SH3RF3: variants seen among roughly 807,000 people sequenced by gnomAD.
The protein encoded by SH3RF3 is SH3 domain containing ring finger 3.
Under a neutral mutation model 66.3 loss-of-function variants are expected in SH3RF3, and 29 were observed. The ratio of observed to expected loss-of-function variants is 0.44; its 90% CI spans 0.33 to 0.60. The LOEUF (loss-of-function observed/expected upper bound fraction) is 0.60, where lower values mean the gene tolerates loss of function less well. SH3RF3 is among the 20% of genes least tolerant of loss of function. The pLI is 0.04. For missense variants in SH3RF3, 1,194 were observed against 1,190.9 expected (o/e 1.00, Z -0.04); for synonymous variants, 583 against 532.0 (o/e 1.10, Z -1.32).
At chr2:109,177,306 G>A (rs1337073725) in intron 1 of SH3RF3, among the ~76,000 whole-genome samples, 1 of 152,182 alleles carries the variant, frequency 6.6e-6, no homozygotes, top group African/African-American at 2.4e-5. Flanking sequence ...AATGCATGGT[G>A]ATTTTCTTTT....
At chr2:109,133,739 T>G in intron 1 of SH3RF3, among the ~76,000 whole-genome samples, 1 of 151,994 alleles carries the variant, frequency 6.6e-6, no homozygotes, top group East Asian at 1.9e-4. Context: ...TTTTTTTTTT[T>G]TTGCACTCAA....
chr2:109,249,489 CTT>C (rs1443551613), intron 1 of SH3RF3, among the ~76,000 whole-genome samples: 1 of 22,508 alleles, frequency 4.4e-5, no homozygotes, highest in Admixed American at 6.3e-4. Flanking sequence ...TTCTTTCTTT[CTT>C]TCTTTCTTTC....
intron 4 of SH3RF3, 38 bp from the exon 5 acceptor site, chr2:109,419,501 C>G: frequency 2.6e-6 from 4 of 1,546,446 alleles, no homozygotes; most frequent in Non-Finnish European, 3.5e-6. Context: ...GATGGAGTCT[C>G]TGTCTCCTCA....
At chr2:109,500,052 C>G (rs1368049000) in intron 9 of SH3RF3, among the ~76,000 whole-genome samples, 2 of 152,142 alleles carry the variant, frequency 1.3e-5, no homozygotes, top group Non-Finnish European at 2.9e-5. Flanking sequence ...CTGACGTGCT[C>G]ACTGAAGTCA....
chr2:109,300,405 CCT>C (rs1318157579), intron 1 of SH3RF3, among the ~76,000 whole-genome samples: 1 of 152,096 alleles, frequency 6.6e-6, no homozygotes, highest in Admixed American at 6.5e-5. Context: ...GTCTCCAACT[CCT>C]CACCTCAAGT....
intron 1 of SH3RF3, among the ~76,000 whole-genome samples, chr2:109,142,060 G>A (rs915317908): frequency 2.0e-5 from 3 of 151,642 alleles, no homozygotes; most frequent in Non-Finnish European, 4.4e-5. Context: ...GGGGTCTCAG[G>A]TATGTGCCTA....
chr2:109,180,833 T>A (rs1205516376), intron 1 of SH3RF3, among the ~76,000 whole-genome samples: 3 of 152,148 alleles, frequency 2.0e-5, no homozygotes, highest in Admixed American at 6.5e-5. Flanking sequence ...ATATACTCAG[T>A]CAGCTAAGAG....
intron 8 of SH3RF3, among the ~76,000 whole-genome samples, chr2:109,489,477 T>C (rs1201467409): frequency 6.6e-6 from 1 of 152,198 alleles, no homozygotes; most frequent in Non-Finnish European, 1.5e-5. Flanking sequence ...TCACCTGTCC[T>C]ACAAAGTCCA....
intron 7 of SH3RF3, among the ~76,000 whole-genome samples, chr2:109,439,331 A>T (rs921766415): frequency 2.6e-5 from 4 of 152,162 alleles, no homozygotes; most frequent in African/African-American, 9.7e-5. Flanking sequence ...TATTGCTGTC[A>T]CAGCCAGGTT....
intron 1 of SH3RF3, among the ~76,000 whole-genome samples, chr2:109,336,527 C>T (rs988973561): frequency 3.7e-4 from 57 of 152,222 alleles, no homozygotes; most frequent in African/African-American, 1.2e-3. Context: ...CCGTGTACCC[C>T]GCAGGCTGCT....
intron 1 of SH3RF3, among the ~76,000 whole-genome samples, chr2:109,172,392 T>C (rs1346123142): frequency 6.6e-6 from 1 of 152,260 alleles, no homozygotes; most frequent in Non-Finnish European, 1.5e-5. Context: ...CTCTCCCTGC[T>C]CCTGGAGGTC....
chr2:109,287,359 C>T (rs1174504509), intron 1 of SH3RF3, among the ~76,000 whole-genome samples: 3 of 152,172 alleles, frequency 2.0e-5, no homozygotes, highest in Non-Finnish European at 4.4e-5. Context: ...TACATCTTGA[C>T]TCTGAACCAC....
intron 1 of SH3RF3, among the ~76,000 whole-genome samples, chr2:109,302,786 A>T (rs1176952617): frequency 6.6e-6 from 1 of 152,198 alleles, no homozygotes; most frequent in Non-Finnish European, 1.5e-5. Flanking sequence ...GGCTGAAATA[A>T]GTTAAATAAG....
At chr2:109,315,211 G>A (rs1028362921) in intron 1 of SH3RF3, among the ~76,000 whole-genome samples, 25 of 152,344 alleles carry the variant, frequency 1.6e-4, no homozygotes, top group African/African-American at 5.8e-4. Flanking sequence ...TCAAGTGTGA[G>A]TCCTCTGAGT....
At chr2:109,472,731 C>G (rs1339936072) in intron 8 of SH3RF3, among the ~76,000 whole-genome samples, 1 of 152,220 alleles carries the variant, frequency 6.6e-6, no homozygotes, top group African/African-American at 2.4e-5. Context: ...GAGATTTCAT[C>G]TGAATGCATT....
chr2:109,175,418 C>G (rs1286529538), intron 1 of SH3RF3, among the ~76,000 whole-genome samples: 1 of 152,204 alleles, frequency 6.6e-6, no homozygotes, highest in Non-Finnish European at 1.5e-5. Flanking sequence ...TAAATGCAAA[C>G]TTTTTGGCAG....
chr2:109,395,165 C>T (rs541425687), intron 3 of SH3RF3, among the ~76,000 whole-genome samples: 1 of 152,250 alleles, frequency 6.6e-6, no homozygotes, highest in African/African-American at 2.4e-5. Flanking sequence ...CAGGCCAGTG[C>T]GTGCGCTACT....
intron 1 of SH3RF3, among the ~76,000 whole-genome samples, chr2:109,144,513 GA>G (rs1677046249): frequency 6.6e-6 from 1 of 152,240 alleles, no homozygotes; most frequent in South Asian, 2.1e-4. Flanking sequence ...GGCTTTGTAT[GA>G]GGGAAGAGTT....
At chr2:109,436,753 T>G (rs7370446) in intron 6 of SH3RF3, 140 bp from the exon 7 acceptor site, 785,863 of 1,323,614 alleles carry the variant, frequency 0.59, 238,548 homozygotes, top group Non-Finnish European at 0.62. Context: ...GTGACGGGCA[T>G]TGTTTTAGGA....
Sources: allele counts gnomAD v4.1 joint callset (sites outside exome capture counted in the v4.1 genomes callset), GRCh38; gene constraint gnomAD v4.1.1; transcripts MANE v1.5; gene names NCBI Gene and HGNC (gene_info 2026-07-23, HGNC 2026-07-21).